The following PLEKHA4 variants were observed in gnomAD, a reference collection of about 807,000 sequenced individuals.
PLEKHA4 encodes the protein pleckstrin homology domain containing A4, also known as pleckstrin homology domain-containing family A member 4.
A neutral mutation model predicts 94.7 loss-of-function variants in PLEKHA4; 73 were observed. The ratio of observed to expected loss-of-function variants is 0.77; its 90% CI spans 0.64 to 0.94. The LOEUF (loss-of-function observed/expected upper bound fraction) is 0.94, where lower values mean the gene tolerates loss of function less well. PLEKHA4 is among the 40% of genes least tolerant of loss of function. The pLI is 0.00. For synonymous variants in PLEKHA4, 449 were observed against 437.1 expected (o/e 1.03, Z -0.34); for missense variants, 1,049 against 1,054.1 (o/e 1.00, Z 0.07).
intron 13 of PLEKHA4, among the ~76,000 whole-genome samples, chr19:48,851,364 C>T (rs937532930): frequency 1.8e-4 from 27 of 152,258 alleles, no homozygotes; most frequent in African/African-American, 6.5e-4. Flanking sequence ...CGCCTGTAAT[C>T]CCAGCACTTT....
In PLEKHA4 at chr19:48,858,898, T is replaced by C. The variant is rs772391628; in HGVS notation, c.934A>G (p.Arg312Gly). The part of the protein sequence containing the change: ...PSEAGGGKPP[R>G]SPQHWSQEPR... The stretch of plus-strand genomic sequence containing the variant: ...TCCTGACTCCAGTGCTGGGGACTCC[T>C]GGGGGGCTTTCCTCCCCCAGCCTCA... The change falls in exon 8 of 20, where the codon AGG (arginine) becomes GGG (glycine). Residue 312 changes from arginine to glycine, a missense_variant. Physicochemically the swap from Arg to Gly is moderately radical, Grantham distance 125 (BLOSUM62 -2). Transcript: ENST00000263265. 12 of 1,608,110 alleles carry C rather than the reference T, an allele frequency of 7.5e-6. No individual in the cohort carries two copies. Among genetic ancestry groups the C allele is most frequent in the African/African-American group, 2.7e-5 (2 of 74,376 alleles).
intron 3 of PLEKHA4, among the ~76,000 whole-genome samples, chr19:48,864,582 A>T (rs754117021): frequency 1.3e-5 from 2 of 151,952 alleles, no homozygotes; most frequent in African/African-American, 2.4e-5. Flanking sequence ...TGTTTTTGAG[A>T]CAGGGTCTCA....
At chr19:48,865,704 T>G in intron 2 of PLEKHA4, 94 bp from the exon 3 acceptor site, 1 of 805,712 alleles carries the variant, frequency 1.2e-6, no homozygotes, top group African/African-American at 1.8e-5. Flanking sequence ...GGCTCTCGCT[T>G]GGCTGCCCTG....
At chr19:48,838,530 G>A (rs1029796067) in intron 18 of PLEKHA4, among the ~76,000 whole-genome samples, 3 of 150,206 alleles carry the variant, frequency 2.0e-5, no homozygotes, top group South Asian at 2.1e-4. Flanking sequence ...TTGGGAGGCC[G>A]AGGCGGGCGG....
Position 48,837,377 on chromosome 19 carries a change from G to A in PLEKHA4, c.2252C>T (p.Ala751Val). Residue 751 changes from alanine (A) to valine (V), a missense_variant, in exon 20 of 20, where the codon GCG becomes GTG. Coordinates refer to ENST00000263265, the MANE Select transcript of PLEKHA4 (RefSeq NM_020904.3). This position sits in a 1 kb window ranked among gnomAD's most constrained non-coding sequence, Gnocchi z 4.3. ...CGGAGGGGCGATCCCGGCATCCCAC[G>A]CGGGCCCCCAGGGGGTGGGACCTCC... The part of the protein sequence containing the change: ...RGGGPTPWGP[A>V]WDAGIAPPVL... 1 of 1,613,680 alleles carries A rather than the reference G, an allele frequency of 6.2e-7. No individual in the cohort carries two copies. The highest frequency in any genetic ancestry group is 8.5e-7 in the Non-Finnish European group (1 of 1,179,966).
chr19:48,857,214 C>T (rs1221864745), intron 9 of PLEKHA4, among the ~76,000 whole-genome samples: 2 of 152,128 alleles, frequency 1.3e-5, no homozygotes, highest in Admixed American at 1.3e-4. Context: ...GACTCCAGGC[C>T]TCTGGCCTCC....
intron 9 of PLEKHA4, among the ~76,000 whole-genome samples, chr19:48,856,380 G>A (rs1432146047): frequency 2.3e-5 from 3 of 131,188 alleles, no homozygotes; most frequent in Admixed American, 7.6e-5. Flanking sequence ...TCAGGAGATC[G>A]AGACCATCCT....
In PLEKHA4 at chr19:48,853,844, A is replaced by G. The variant is rs1192551046; in HGVS notation, c.1177-13T>C. 3 of 1,598,326 alleles carry G rather than the reference A, an allele frequency of 1.9e-6. No individual in the cohort carries two copies. The South Asian group carries it at 3.4e-5, about 18-fold the overall frequency. ...CTTCTAGTTGCTCCTGCACCAAGAC[A>G]GAAGGTGGTTAGACTTCAGAAGCCA... On this transcript the variant is annotated splice_polypyrimidine_tract_variant and intron_variant, in intron 11 of 19. Transcript: ENST00000263265.
chr19:48,860,161 G>A lies in PLEKHA4; in HGVS notation c.476+189C>T. On this transcript the variant is annotated intron_variant, in intron 6 of 19. Transcript: ENST00000263265. The stretch of plus-strand genomic sequence containing the variant: ...GCGGGGACGGACAAGGTGGTGGGCG[G>A]AACTTAAGGGAGAAAGACTTTTGCT... The A allele has an allele frequency of 5.0e-6, 3 of 598,676 alleles. No homozygotes were observed. In the South Asian group the frequency reaches 6.1e-5, roughly 12 times the overall value. The allele number at this position is 598,676 out of a possible 1,614,324, so 37.1% of individuals were successfully genotyped here.
Position 48,858,921 on chromosome 19 carries a change from T to C in PLEKHA4, c.911A>G (p.Glu304Gly). 6.2e-7 allele frequency: 1 copy of C among 1,604,046 alleles called. No individual in the cohort carries two copies. The highest frequency in any genetic ancestry group is 1.1e-5 in the South Asian group (1 of 89,946). ...PPTPRRGPPS[E>G]AGGGKPPRSP... is the part of the protein sequence containing the mutation. ...CCTGGGGGGCTTTCCTCCCCCAGCC[T>C]CAGAGGGAGGTCCTCGGCGGGGAGT... Residue 304 changes from glutamate (E) to glycine (G), a missense_variant, in exon 8 of 20, where the codon GAG (glutamate) becomes GGG (glycine). Coordinates refer to ENST00000263265, the MANE Select transcript of PLEKHA4 (RefSeq NM_020904.3).
chr19:48,851,173 AT>A, intron 13 of PLEKHA4, among the ~76,000 whole-genome samples: 2 of 152,210 alleles, frequency 1.3e-5, no homozygotes, highest in Non-Finnish European at 2.9e-5. Context: ...AGTATAATGG[AT>A]TGTTTGTAAC....
Position 48,853,788 on chromosome 19 carries a change from C to T in PLEKHA4, c.1220G>A (p.Gly407Asp). ...AGCCCCAGCCTCCCTGGTGGCTTGG[C>T]CCAGCTGTTGCCGGGTCAACTCCAG... ...AALELTRQQL[G>D]QATREAGAPG... Residue 407 changes from glycine (G) to aspartate (D), a missense_variant, in exon 12 of 20, where the codon GGC becomes GAC. By Grantham distance (94) the Gly-to-Asp change is moderately conservative. Transcript: ENST00000263265. 6.2e-7 allele frequency: 1 copy of T among 1,613,250 alleles called. No homozygotes were observed. Among genetic ancestry groups the T allele is most frequent in the Non-Finnish European group, 8.5e-7 (1 of 1,179,696 alleles).
At chr19:48,840,761 A>G (rs1228167000) in intron 17 of PLEKHA4, among the ~76,000 whole-genome samples, 2 of 152,160 alleles carry the variant, frequency 1.3e-5, no homozygotes, top group African/African-American at 4.8e-5. Context: ...CCATCCTGAG[A>G]TATCTGAGAC....
At position 48,838,083 on chromosome 19, in the gene PLEKHA4, C is replaced by G; in HGVS notation, c.2011G>C (p.Glu671Gln). The G allele has an allele frequency of 6.2e-7, 1 of 1,613,454 alleles. No individual in the cohort carries two copies. The highest frequency in any genetic ancestry group is 8.5e-7 in the Non-Finnish European group (1 of 1,179,870). The change falls in exon 19 of 20, where the codon GAG becomes CAG. Residue 671 changes from glutamate (E) to glutamine (Q), a missense_variant. Glu to Gln is a conservative substitution (Grantham distance 29). Coordinates refer to ENST00000263265, the MANE Select transcript of PLEKHA4 (RefSeq NM_020904.3). ...PYLPTSEGHRERVLSLSQALA... is the reference protein window; with the variant it reads ...PYLPTSEGHRQRVLSLSQALA... ...GCTTGGGAGAGGCTGAGAACCCGCTCCCGGTGACCTTCGGAAGTCGGCAAG... is the reference window on the plus strand; with the variant it reads ...GCTTGGGAGAGGCTGAGAACCCGCTGCCGGTGACCTTCGGAAGTCGGCAAG...
intron 4 of PLEKHA4, 43 bp downstream of exon 4, chr19:48,861,577 C>T (rs766087183): frequency 7.5e-6 from 12 of 1,608,590 alleles, no homozygotes; most frequent in African/African-American, 5.3e-5. Flanking sequence ...GCAGACTGGG[C>T]GGGGGGGCCC....
chr19:48,844,574 T>A (rs2035894348), intron 16 of PLEKHA4: 86 of 985,022 alleles, frequency 8.7e-5, no homozygotes, highest in Non-Finnish European at 1.0e-4. Context: ...TCAGTGATGG[T>A]CACATGCTTC....
rs534633325 is a variant in PLEKHA4, at chr19:48,864,033, G to A, written c.192+1470C>T. ...CCTTTCTAGCAAGTCCCCAGATGAC[G>A]CTGATGCTGCTGGTCTGGGACCACA... On this transcript the variant is annotated intron_variant, in intron 3 of 19. Transcript: ENST00000263265. 5.3e-5 allele frequency among the ~76,000 whole-genome samples: 8 copies of A among 152,236 alleles called. No individual in the cohort carries two copies. In the East Asian group the frequency reaches 7.7e-4, roughly 15 times the overall value.
At position 48,861,712 on chromosome 19, in the gene PLEKHA4, G is replaced by A. The variant is rs1399791611; in HGVS notation, c.193-20C>T. The stretch of plus-strand genomic sequence containing the variant: ...GCTGTCCTGGGGAGAGAGATGGGAG[G>A]AGGGGCCTGAGTAAAGGGAAACAGA... On this transcript the variant is annotated intron_variant, in intron 3 of 19. Coordinates refer to ENST00000263265, the MANE Select transcript of PLEKHA4 (RefSeq NM_020904.3). 2 of 1,602,374 alleles carry A rather than the reference G, an allele frequency of 1.2e-6. No homozygotes were observed. Among genetic ancestry groups the A allele is most frequent in the South Asian group, 1.1e-5 (1 of 90,780 alleles).
chr19:48,841,097 G>C, intron 17 of PLEKHA4, 52 bp downstream of exon 17: 1 of 1,532,066 alleles, frequency 6.5e-7, no homozygotes, highest in Non-Finnish European at 8.9e-7. Flanking sequence ...CAAAGTAGGC[G>C]AAGAGGACCT....
Sources: gnomAD v4.1 joint callset for allele counts (sites outside exome capture counted in the v4.1 genomes callset) on GRCh38, gnomAD v4.1.1 for gene constraint, Gnocchi (gnomAD v3.1) non-coding constraint, MANE v1.5 for transcripts, NCBI Gene and HGNC (gene_info 2026-07-23, HGNC 2026-07-21) for gene names.